The following CWC27 variants were observed in gnomAD, a reference collection of about 807,000 sequenced individuals.
The protein encoded by CWC27 is spliceosome-associated protein CWC27 homolog.
Under a neutral mutation model 63.6 loss-of-function variants are expected in CWC27, and 47 were observed. The ratio of observed to expected loss-of-function variants is 0.74; its 90% confidence interval spans 0.58 to 0.94. The LOEUF (loss-of-function observed/expected upper bound fraction) is 0.94, where lower values mean the gene tolerates loss of function less well. Ranked by LOEUF, CWC27 falls within the 40% of genes least tolerant of loss-of-function variation. The pLI, the probability that CWC27 is intolerant of heterozygous loss-of-function variation, is 0.00. For synonymous variants in CWC27, 175 were observed against 179.8 expected (o/e 0.97, Z 0.22); for missense variants, 495 against 554.3 (o/e 0.89, Z 1.07).
chr5:64,884,111 A>C (rs1747010056), intron 10 of CWC27: 1 of 152,144 alleles, frequency 6.6e-6, no homozygotes, highest in African/African-American at 2.4e-5. Flanking sequence ...GGAACTTATG[A>C]GTGCTGATGA....
At chr5:64,851,704 C>A (rs1746137180) in intron 10 of CWC27, among the ~76,000 whole-genome samples, 1 of 152,006 alleles carries the variant, frequency 6.6e-6, no homozygotes, top group Admixed American at 6.6e-5. Flanking sequence ...TTAAAAAATA[C>A]TAGAAAATGT....
At chr5:64,788,422 T>A (rs1030938537) in intron 6 of CWC27, among the ~76,000 whole-genome samples, 3 of 152,072 alleles carry the variant, frequency 2.0e-5, no homozygotes, top group Non-Finnish European at 4.4e-5. Flanking sequence ...GTTTGATGAA[T>A]CAGAGGAGAC....
In CWC27 at chr5:64,993,131, A is replaced by G. The variant is rs1247865739; in HGVS notation, c.1256+15893A>G. 2.0e-5 allele frequency among the ~76,000 whole-genome samples: 3 copies of G among 152,170 alleles called. No individual in the cohort carries two copies. In the East Asian group the frequency reaches 5.8e-4, roughly 29 times the overall value. ...AGAGTTATTATTAGAATTAAATGAG[A>G]TAATTCATGGAAAGCACTCAGTATA... On this transcript the variant is annotated intron_variant, in intron 13 of 13. Transcript: ENST00000381070.
At chr5:64,863,529 C>A (rs1242878555) in intron 10 of CWC27, among the ~76,000 whole-genome samples, 1 of 151,978 alleles carries the variant, frequency 6.6e-6, no homozygotes, top group Non-Finnish European at 1.5e-5. Context: ...GGATATCACT[C>A]TGTTTCCCAA....
intron 13 of CWC27, among the ~76,000 whole-genome samples, chr5:65,010,046 G>A (rs904383044): frequency 6.6e-6 from 1 of 152,176 alleles, no homozygotes; most frequent in Non-Finnish European, 1.5e-5. Context: ...CAGTAATAGT[G>A]ACTGAATGTA....
intron 11 of CWC27, among the ~76,000 whole-genome samples, chr5:64,928,185 A>T (rs1748157888): frequency 6.6e-6 from 1 of 151,638 alleles, no homozygotes; most frequent in South Asian, 2.1e-4. Flanking sequence ...ACAGTCACCC[A>T]CATTCACTGT....
At chr5:64,853,127 G>A (rs1216197563) in intron 10 of CWC27, among the ~76,000 whole-genome samples, 3 of 152,196 alleles carry the variant, frequency 2.0e-5, no homozygotes, top group Non-Finnish European at 4.4e-5. Context: ...AAAGTGACTA[G>A]GCGGCAGATT....
chr5:64,961,758 C>T (rs1748915833), intron 11 of CWC27, among the ~76,000 whole-genome samples: 2 of 152,134 alleles, frequency 1.3e-5, no homozygotes, highest in African/African-American at 4.8e-5. Flanking sequence ...AGCTCATATC[C>T]AAGCTTTACT....
chr5:64,979,127 GA>G (rs1351657497), intron 13 of CWC27, among the ~76,000 whole-genome samples: 1 of 152,000 alleles, frequency 6.6e-6, no homozygotes, highest in Non-Finnish European at 1.5e-5. Context: ...ATTCTCATTA[GA>G]AAGTTTAAAA....
intron 11 of CWC27, among the ~76,000 whole-genome samples, chr5:64,919,504 A>G (rs532193028): frequency 6.6e-6 from 1 of 152,250 alleles, no homozygotes; most frequent in South Asian, 2.1e-4. Context: ...CTACACCCTC[A>G]TCCTACTCCC....
At chr5:64,840,333 G>A (rs1373234005) in intron 10 of CWC27, among the ~76,000 whole-genome samples, 2 of 116,738 alleles carry the variant, frequency 1.7e-5, no homozygotes, top group Non-Finnish European at 3.3e-5. Flanking sequence ...GATTGTTGTT[G>A]GCCTTTGTGT....
intron 11 of CWC27, among the ~76,000 whole-genome samples, chr5:64,971,116 T>C (rs887024882): frequency 6.6e-6 from 1 of 152,204 alleles, no homozygotes; most frequent in African/African-American, 2.4e-5. Context: ...ACCAAGATGT[T>C]AACTAATCTT....
intron 10 of CWC27, among the ~76,000 whole-genome samples, chr5:64,849,396 A>G (rs896617427): frequency 3.3e-5 from 5 of 152,206 alleles, no homozygotes; most frequent in East Asian, 1.9e-4. Context: ...ATACTAATTG[A>G]TATGGTTTGG....
chr5:64,945,124 C>T (rs1421035298), intron 11 of CWC27, among the ~76,000 whole-genome samples: 1 of 152,134 alleles, frequency 6.6e-6, no homozygotes, highest in Non-Finnish European at 1.5e-5. Flanking sequence ...GTTCACATGG[C>T]TCATTCCCTT....
intron 13 of CWC27, among the ~76,000 whole-genome samples, chr5:64,992,070 T>A (rs979858667): frequency 5.3e-5 from 8 of 152,316 alleles, no homozygotes; most frequent in Non-Finnish European, 8.8e-5. Context: ...TGACTCTAGA[T>A]CCCACCAAGT....
rs182995117 is a variant in CWC27, at chr5:64,812,538, T to C, written c.938+8152T>C. The stretch of plus-strand genomic sequence containing the variant: ...TTGCTTTGGTATGGAGTAGTAGTAA[T>C]CCAAATGTTGTATTTTCAGGAAATC... On this transcript the variant is annotated intron_variant, in intron 10 of 13. Coordinates refer to ENST00000381070, the MANE Select transcript of CWC27 (RefSeq NM_005869.4). 8.9e-4 allele frequency among the ~76,000 whole-genome samples: 136 copies of C among 152,248 alleles called. 1 individual carries two copies. The highest frequency in any genetic ancestry group is 3.1e-3 in the African/African-American group (130 of 41,570).
At chr5:64,805,835 A>G (rs1444961933) in intron 10 of CWC27, among the ~76,000 whole-genome samples, 3 of 152,122 alleles carry the variant, frequency 2.0e-5, no homozygotes, top group Non-Finnish European at 4.4e-5. Context: ...AGAAAAGTCA[A>G]AGTTTGCATT....
Position 65,004,719 on chromosome 5 carries a change from G to A in CWC27, c.1257-13440G>A, listed in dbSNP as rs141620430. ...TTTCCTTTATTTGTTATCTGTTACT[G>A]GAGAATTATTGTGTTCCTTTGAGGA... On this transcript the variant is annotated intron_variant, in intron 13 of 13. Coordinates refer to ENST00000381070, the MANE Select transcript of CWC27 (RefSeq NM_005869.4). Among the ~76,000 whole-genome samples the A allele has an allele frequency of 1.5e-4, 22 of 150,050 alleles. 1 individual carries two copies. In the East Asian group the frequency reaches 4.3e-3, roughly 29 times the overall value.
At chr5:64,948,648 G>T (rs943773373) in intron 11 of CWC27, among the ~76,000 whole-genome samples, 2 of 151,916 alleles carry the variant, frequency 1.3e-5, no homozygotes, top group African/African-American at 4.8e-5. Flanking sequence ...CAAATATTTT[G>T]TAATTAATAG....
Sources: allele counts gnomAD v4.1 joint callset (sites outside exome capture counted in the v4.1 genomes callset), GRCh38; gene constraint gnomAD v4.1.1; transcripts MANE v1.5; gene names NCBI Gene and HGNC (gene_info 2026-07-23, HGNC 2026-07-21).